The following GCNT2 variants were observed in gnomAD, a reference collection of about 807,000 sequenced individuals.
GCNT2 encodes the protein glucosaminyl (N-acetyl) transferase 2 (I blood group), also known as N-acetyllactosaminide beta-1,6-N-acetylglucosaminyl-transferase.
GCNT2 carries 34 observed loss-of-function variants against 34.2 expected under a neutral mutation model. That is an observed-to-expected ratio of 1.00 (90% CI 0.76 to 1.32). The LOEUF is 1.32. GCNT2 is among the 40% of genes most tolerant of loss of function. The pLI is 0.00. For synonymous variants in GCNT2, 212 were observed against 188.0 expected (o/e 1.13, Z -1.04); for missense variants, 584 against 489.4 (o/e 1.19, Z -1.82).
chr6:10,538,473 G>A (rs1236966102), intron 3 of GCNT2, among the ~76,000 whole-genome samples: 2 of 121,144 alleles, frequency 1.7e-5, no homozygotes. Flanking sequence ...ACTCTCATAA[G>A]TCAGGGACCG....
At chr6:10,543,938 C>T (rs1406729331) in intron 3 of GCNT2, among the ~76,000 whole-genome samples, 1 of 152,126 alleles carries the variant, frequency 6.6e-6, no homozygotes, top group African/African-American at 2.4e-5. Context: ...GAATTAAGGA[C>T]ACACTATATG....
chr6:10,572,443 G>A (rs1015650861), intron 3 of GCNT2, among the ~76,000 whole-genome samples: 2 of 152,186 alleles, frequency 1.3e-5, no homozygotes, highest in Non-Finnish European at 2.9e-5. Flanking sequence ...TAGATGGCAG[G>A]CCGGGCGCTG....
At chr6:10,571,958 T>C (rs1166284119) in intron 3 of GCNT2, among the ~76,000 whole-genome samples, 1 of 152,218 alleles carries the variant, frequency 6.6e-6, no homozygotes, top group Non-Finnish European at 1.5e-5. Context: ...CTGATAGTTA[T>C]TGTATGTCCC....
intron 3 of GCNT2, among the ~76,000 whole-genome samples, chr6:10,542,222 C>A (rs1215235028): frequency 1.3e-5 from 2 of 152,168 alleles, no homozygotes; most frequent in African/African-American, 2.4e-5. Context: ...CAGCTGTTTC[C>A]TGCCCCAGTT....
intron 3 of GCNT2, among the ~76,000 whole-genome samples, chr6:10,560,276 G>A (rs1038934586): frequency 2.0e-5 from 3 of 146,744 alleles, no homozygotes; most frequent in African/African-American, 7.7e-5. Flanking sequence ...TTTTAGTAGA[G>A]ACGGGGTTTC....
At chr6:10,594,536 A>G (rs541607347) in intron 3 of GCNT2, among the ~76,000 whole-genome samples, 3 of 152,284 alleles carry the variant, frequency 2.0e-5, no homozygotes, top group Admixed American at 2.0e-4. Flanking sequence ...AAAACTCTTC[A>G]TTTTGTAGTC....
intron 3 of GCNT2, among the ~76,000 whole-genome samples, chr6:10,543,285 C>T (rs1005409707): frequency 2.6e-5 from 4 of 150,948 alleles, no homozygotes; most frequent in Admixed American, 6.6e-5. Flanking sequence ...CTCACTGCAA[C>T]CTCTGCAATT....
At chr6:10,592,782 G>A (rs190369469) in intron 3 of GCNT2, among the ~76,000 whole-genome samples, 77 of 152,078 alleles carry the variant, frequency 5.1e-4, no homozygotes, top group Non-Finnish European at 9.6e-4. Context: ...CCACTCTGTC[G>A]CCAGGATGGA....
In GCNT2 at chr6:10,526,410, C is replaced by T. The variant is rs542670553; in HGVS notation, c.-468-1064C>T. Among the ~76,000 whole-genome samples, 12 of 152,272 alleles carry T rather than the reference C, an allele frequency of 7.9e-5. 1 individual carries two copies. In the South Asian group the frequency reaches 1.2e-3, roughly 16 times the overall value. On this transcript the variant is annotated intron_variant, in intron 1 of 4. Transcript: ENST00000495262. ...GGGTTGGCTGCCGTCTCAATGTGTT[C>T]GCTTTTAGCTGGGTTAGCGGAAAAA... is the stretch of plus-strand genomic sequence containing the variant.
chr6:10,629,127 C>T lies in GCNT2; in HGVS notation c.*2520C>T, dbSNP rs9460952. Reference sequence around the variant, plus strand: ...AAATGACAGCACCTGAGAAGAGGAACCGTTTTACACTGGATGTTTCTCATG... The same window carrying T: ...AAATGACAGCACCTGAGAAGAGGAATCGTTTTACACTGGATGTTTCTCATG... On this transcript the variant is annotated 3_prime_UTR_variant, in exon 5 of 5. Coordinates refer to ENST00000495262, the MANE Select transcript of GCNT2 (RefSeq NM_145649.5). 1 of 152,720 alleles carries T rather than the reference C, an allele frequency of 6.5e-6. No individual in the cohort carries two copies. The highest frequency in any genetic ancestry group is 2.1e-4 in the South Asian group (1 of 4,824). 9.5% of individuals were successfully genotyped at this position (152,720 alleles called of 1,614,324 possible). A position where few individuals can be genotyped will look rare whatever the true frequency, so the allele number is the denominator to read the frequency against.
At chr6:10,595,895 A>G (rs2127422663) in intron 3 of GCNT2, among the ~76,000 whole-genome samples, 1 of 152,338 alleles carries the variant, frequency 6.6e-6, no homozygotes, top group African/African-American at 2.4e-5. Flanking sequence ...CCCATCAGCC[A>G]GTTTCGACAA....
intron 3 of GCNT2, among the ~76,000 whole-genome samples, chr6:10,603,468 C>T (rs1765164293): frequency 6.6e-6 from 1 of 152,212 alleles, no homozygotes; most frequent in African/African-American, 2.4e-5. Flanking sequence ...GTGGGAAGCA[C>T]CCGTGTCAGT....
At chr6:10,605,548 C>T (rs1765270960) in intron 3 of GCNT2, among the ~76,000 whole-genome samples, 1 of 151,964 alleles carries the variant, frequency 6.6e-6, no homozygotes, top group Non-Finnish European at 1.5e-5. Flanking sequence ...GTCTGGGCCC[C>T]ACCTCCACCC....
rs1561777309 is a variant in GCNT2 at position 10,529,169 on chromosome 6, A to C, written c.258A>C (p.Glu86Asp). Residue 86 changes from glutamate to aspartate, a missense_variant, in exon 3 of 5, where the codon GAA becomes GAC. By Grantham distance (45) the Glu-to-Asp change is conservative (BLOSUM62 2). Coordinates refer to ENST00000495262, the MANE Select transcript of GCNT2 (RefSeq NM_145649.5). ...TGGTTCGAAGCCACTATGTAACAGA[A>C]ACACTCTCTGAAGAAGAGGCTGGGT... Reference protein sequence around the residue: ...EYMVRSHYVTETLSEEEAGFP... With the variant: ...EYMVRSHYVTDTLSEEEAGFP... 6.2e-7 allele frequency: 1 copy of C among 1,614,172 alleles called. No homozygotes were observed. The highest frequency in any genetic ancestry group is 8.5e-7 in the Non-Finnish European group (1 of 1,180,014).
chr6:10,588,883 T>TAGCGTGTGTG lies in GCNT2; in HGVS notation c.926-32468_926-32467insAGCGTGTGTG, dbSNP rs1405503998. ...TGTGTATGTGTGTGGGGTATGTGTGTTTGTAGCGTGTGTGTTGTGTGGTGT... is the reference window on the plus strand; with the variant it reads ...TGTGTATGTGTGTGGGGTATGTGTGTAGCGTGTGTGTTGTAGCGTGTGTGTTGTGTGGTGT... On this transcript the variant is annotated intron_variant, in intron 3 of 4. Transcript: ENST00000495262. 9.7e-5 allele frequency among the ~76,000 whole-genome samples: 14 copies of TAGCGTGTGTG among 144,386 alleles called. No individual in the cohort carries two copies. The East Asian group carries it at 2.5e-3, about 25-fold the overall frequency. 94.7% of individuals were successfully genotyped at this position (144,386 alleles called of 152,430 possible).
At chr6:10,591,444 C>G (rs1044190834) in intron 3 of GCNT2, among the ~76,000 whole-genome samples, 5 of 152,150 alleles carry the variant, frequency 3.3e-5, no homozygotes, top group African/African-American at 1.2e-4. Context: ...ATGAGAGAGT[C>G]CTGAAAGAAT....
intron 4 of GCNT2, among the ~76,000 whole-genome samples, chr6:10,624,904 A>T (rs1302286111): frequency 6.6e-6 from 1 of 151,984 alleles, no homozygotes; most frequent in Non-Finnish European, 1.5e-5. Context: ...GCCTGTACTC[A>T]TTGCCCCTAT....
At chr6:10,528,451 T>C (rs1761305987) in intron 2 of GCNT2, 180 bp from the exon 3 acceptor site, 1 of 210,870 alleles carries the variant, frequency 4.7e-6, no homozygotes, top group South Asian at 8.5e-5. Context: ...AACACAATGA[T>C]TAACAGGAAG....
At chr6:10,530,561 C>T (rs1761438496) in intron 3 of GCNT2, among the ~76,000 whole-genome samples, 1 of 151,810 alleles carries the variant, frequency 6.6e-6, no homozygotes, top group South Asian at 2.1e-4. Flanking sequence ...AAGCTCTTTT[C>T]TGGTCTTGAA....
Sources: allele counts gnomAD v4.1 joint callset (sites outside exome capture counted in the v4.1 genomes callset), GRCh38; gene constraint gnomAD v4.1.1; transcripts MANE v1.5; gene names NCBI Gene and HGNC (gene_info 2026-07-23, HGNC 2026-07-21).